MUCL1: variants seen among roughly 807,000 people sequenced by gnomAD.
MUCL1 encodes the protein mucin-like protein 1.
In MUCL1, 11 loss-of-function variants were observed where a neutral mutation model predicts 9.2. The ratio of observed to expected loss-of-function variants is 1.19; its 90% CI spans 0.75 to 1.97. MUCL1 has a LOEUF of 1.97. MUCL1 is among the 30% of genes most tolerant of loss of function. The pLI is 0.00. For missense variants in MUCL1, 144 were observed against 110.9 expected (o/e 1.30, Z -1.34); for synonymous variants, 48 against 40.5 (o/e 1.19, Z -0.71).
intron 1 of MUCL1, 60 bp downstream of exon 1, chr12:54,854,700 C>A: frequency 6.8e-7 from 1 of 1,465,530 alleles, no homozygotes; most frequent in Non-Finnish European, 9.5e-7. Context: ...AATATCTCCT[C>A]TAAAGATGTG....
At position 54,855,163 on chromosome 12, in the gene MUCL1, T is replaced by C; in HGVS notation, c.100+6T>C. The C allele has an allele frequency of 6.2e-7, 1 of 1,612,790 alleles. No homozygotes were observed. The highest frequency in any genetic ancestry group is 8.5e-7 in the Non-Finnish European group (1 of 1,179,174). ...AGCTGACACGTATCCAGCTAGTGAGTCTGCACTTGAATGTCATCTCTTTCC... is the reference window on the plus strand; with the variant it reads ...AGCTGACACGTATCCAGCTAGTGAGCCTGCACTTGAATGTCATCTCTTTCC... On this transcript the variant is annotated splice_donor_region_variant and intron_variant, in intron 2 of 3. Transcript: ENST00000308796.
chr12:54,844,178 A>G (rs1036143524), intron 1 of MUCL1, among the ~76,000 whole-genome samples: 4 of 152,188 alleles, frequency 2.6e-5, no homozygotes, highest in African/African-American at 9.6e-5. Context: ...GCATTTTGAT[A>G]AGATGAATGT....
upstream of MUCL1, among the ~76,000 whole-genome samples, chr12:54,834,451 C>G (rs185246681): frequency 6.6e-6 from 1 of 152,124 alleles, no homozygotes; most frequent in African/African-American, 2.4e-5. Flanking sequence ...TACTCTTTCA[C>G]TGGTGCAATT....
chr12:54,840,225 G>A (rs780140854), intron 1 of MUCL1, among the ~76,000 whole-genome samples: 2 of 152,306 alleles, frequency 1.3e-5, no homozygotes, highest in Non-Finnish European at 2.9e-5. Context: ...GATGGCACAA[G>A]AGTGATGTAG....
Position 54,858,227 on chromosome 12 carries a change from T to C in MUCL1, c.258T>C (p.Gly86=), listed in dbSNP as rs113433295. The C allele has an allele frequency of 6.2e-7, 1 of 1,613,544 alleles. No individual in the cohort carries two copies. Among genetic ancestry groups the C allele is most frequent in the East Asian group, 2.2e-5 (1 of 44,854 alleles). ...LPKWVGDLPN[G]RVCP ...AATGGGTTGGGGATCTCCCGAATGG[T>C]AGAGTGTGTCCCTGAGATGGAATCA... The change falls in exon 4 of 4, where the codon GGT becomes GGC. Residue 86 remains glycine (G), a synonymous_variant. Coordinates refer to ENST00000308796, the MANE Select transcript of MUCL1 (RefSeq NM_058173.3).
chr12:54,853,329 T>G (rs190834087), upstream of MUCL1, among the ~76,000 whole-genome samples: 135 of 152,278 alleles, frequency 8.9e-4, 4 homozygotes, highest in Admixed American at 2.3e-3. Flanking sequence ...GTGCTGTAAA[T>G]GTGGATTGTT....
At chr12:54,833,886 G>T (rs2121478139) in intron 1 of MUCL1, among the ~76,000 whole-genome samples, 1 of 152,086 alleles carries the variant, frequency 6.6e-6, no homozygotes, top group Admixed American at 6.5e-5. Flanking sequence ...ATGAGTTAAT[G>T]GGTGCAGCAC....
At chr12:54,842,148 C>G (rs922849004) in intron 1 of MUCL1, among the ~76,000 whole-genome samples, 1 of 152,102 alleles carries the variant, frequency 6.6e-6, no homozygotes, top group South Asian at 2.1e-4. Flanking sequence ...TTTTCCTGTT[C>G]ATTTGTATTT....
At chr12:54,856,459 A>T (rs1340970591) in intron 2 of MUCL1, among the ~76,000 whole-genome samples, 1 of 152,206 alleles carries the variant, frequency 6.6e-6, no homozygotes, top group Non-Finnish European at 1.5e-5. Flanking sequence ...TCTGAGCAGT[A>T]GTCCCTGTGA....
chr12:54,834,541 G>T (rs1407787635), upstream of MUCL1, among the ~76,000 whole-genome samples: 2 of 151,872 alleles, frequency 1.3e-5, no homozygotes, highest in East Asian at 1.9e-4. Flanking sequence ...GATATACACA[G>T]TGAAGTTGTT....
At chr12:54,839,340 T>C (rs1390484866), upstream of MUCL1, 2 of 700,294 alleles carry the variant, frequency 2.9e-6, no homozygotes, top group African/African-American at 3.5e-5. Flanking sequence ...CACACTTATT[T>C]ATTTATTAAT....
intron 1 of MUCL1, among the ~76,000 whole-genome samples, chr12:54,845,970 C>T (rs1229510181): frequency 6.6e-6 from 1 of 152,114 alleles, no homozygotes; most frequent in Non-Finnish European, 1.5e-5. Context: ...TTAATTGCCT[C>T]ATCTCTTTTG....
intron 3 of MUCL1, among the ~76,000 whole-genome samples, chr12:54,857,513 C>CA (rs1435647745): frequency 2.0e-5 from 3 of 152,056 alleles, no homozygotes; most frequent in Non-Finnish European, 2.9e-5. Context: ...TTGATTACAA[C>CA]ATTTATTCAA....
upstream of MUCL1, among the ~76,000 whole-genome samples, chr12:54,835,126 T>C (rs778591159): frequency 1.6e-4 from 24 of 152,200 alleles, no homozygotes; most frequent in African/African-American, 4.8e-4. Context: ...ATGGTGTACA[T>C]ATACCACCTT....
At chr12:54,850,949 A>T (rs1334323837), upstream of MUCL1, among the ~76,000 whole-genome samples, 1 of 152,148 alleles carries the variant, frequency 6.6e-6, no homozygotes, top group Non-Finnish European at 1.5e-5. Flanking sequence ...TTGGCTGCAT[A>T]AATGTCTTCT....
chr12:54,843,457 C>T (rs1959222731), intron 1 of MUCL1, among the ~76,000 whole-genome samples: 1 of 152,152 alleles, frequency 6.6e-6, no homozygotes, highest in Admixed American at 6.5e-5. Context: ...ATTTTAATGC[C>T]TGAAACCTGC....
chr12:54,851,867 C>T (rs1868248414), upstream of MUCL1, among the ~76,000 whole-genome samples: 1 of 152,070 alleles, frequency 6.6e-6, no homozygotes, highest in East Asian at 1.9e-4. Flanking sequence ...ACACCAATAA[C>T]AGACAGAGAG....
chr12:54,846,063 A>G (rs1346121264), intron 1 of MUCL1, among the ~76,000 whole-genome samples: 1 of 152,122 alleles, frequency 6.6e-6, no homozygotes, highest in African/African-American at 2.4e-5. Flanking sequence ...AAAACCTTGC[A>G]CTTGTCCTTC....
intron 1 of MUCL1, among the ~76,000 whole-genome samples, chr12:54,833,548 C>A (rs949088558): frequency 4.6e-5 from 7 of 152,002 alleles, no homozygotes; most frequent in Non-Finnish European, 1.0e-4. Flanking sequence ...AAGATATCCC[C>A]TTTTCTGAAG....
Sources: gnomAD v4.1 joint callset for allele counts (sites outside exome capture counted in the v4.1 genomes callset) on GRCh38, gnomAD v4.1.1 for gene constraint, MANE v1.5 for transcripts, NCBI Gene and HGNC (gene_info 2026-07-23, HGNC 2026-07-21) for gene names.